RLF: variants seen among roughly 807,000 people sequenced by gnomAD.
RLF encodes RLF zinc finger.
A neutral mutation model predicts 162.9 loss-of-function variants in RLF; 7 were observed. The ratio of observed to expected loss-of-function variants is 0.04; its 90% CI spans 0.02 to 0.08. RLF has a LOEUF of 0.08. RLF is among the 10% of genes least tolerant of loss of function. The pLI is 1.00. For missense variants in RLF, 1,664 were observed against 2,244.7 expected, an observed-to-expected ratio of 0.74 and a Z score of 5.23; for synonymous variants, 782 against 791.5, an observed-to-expected ratio of 0.99 and a Z score of 0.20.
chr1:40,177,483 C>T (rs1337800128), intron 1 of RLF, among the ~76,000 whole-genome samples: 6 of 151,420 alleles, frequency 4.0e-5, no homozygotes, highest in Admixed American at 4.0e-4. Context: ...TTAGTAGAGA[C>T]GGGGTTTCAT....
chr1:40,197,229 G>GA (rs901890125), intron 4 of RLF, among the ~76,000 whole-genome samples: 6 of 150,656 alleles, frequency 4.0e-5, no homozygotes, highest in Admixed American at 1.3e-4. Context: ...GCACTGACAA[G>GA]AAAAAAAAAG....
intron 6 of RLF, among the ~76,000 whole-genome samples, chr1:40,226,576 T>C (rs1167788086): frequency 6.6e-6 from 1 of 152,238 alleles, no homozygotes; most frequent in Non-Finnish European, 1.5e-5. Context: ...TTCACGGTTG[T>C]GTCCTAAGTA....
intron 5 of RLF, among the ~76,000 whole-genome samples, chr1:40,213,474 G>A (rs1050749167): frequency 6.6e-6 from 1 of 152,136 alleles, no homozygotes; most frequent in African/African-American, 2.4e-5. Flanking sequence ...TCATAGTACT[G>A]GTCTGTAGCA....
chr1:40,194,924 C>T (rs916882123), intron 3 of RLF, among the ~76,000 whole-genome samples: 2 of 151,840 alleles, frequency 1.3e-5, no homozygotes, highest in African/African-American at 2.4e-5. Flanking sequence ...ACCTCTGCCT[C>T]CCAGGCTCAA....
intron 5 of RLF, among the ~76,000 whole-genome samples, chr1:40,205,485 C>CCTTTT (rs990825771): frequency 3.7e-5 from 4 of 107,054 alleles, no homozygotes; most frequent in African/African-American, 1.1e-4. Context: ...TTCCTTCCTT[C>CCTTTT]TTTTTTTTTT....
chr1:40,169,520 G>A (rs1199989680), intron 1 of RLF, among the ~76,000 whole-genome samples: 1 of 149,546 alleles, frequency 6.7e-6, no homozygotes. Flanking sequence ...GGAGGCTGAG[G>A]CAGGAGAATG....
At chr1:40,204,872 C>T (rs1404438914) in intron 5 of RLF, among the ~76,000 whole-genome samples, 2 of 152,172 alleles carry the variant, frequency 1.3e-5, no homozygotes, top group Non-Finnish European at 2.9e-5. Flanking sequence ...AAAATTGAAG[C>T]GCTGAGAAGA....
intron 5 of RLF, among the ~76,000 whole-genome samples, chr1:40,204,454 G>A (rs1642762141): frequency 6.6e-6 from 1 of 152,138 alleles, no homozygotes; most frequent in East Asian, 1.9e-4. Flanking sequence ...TTTACTCCAG[G>A]CTAGAGTGTG....
At chr1:40,201,625 C>CA (rs35897680) in intron 4 of RLF, among the ~76,000 whole-genome samples, 11,031 of 91,364 alleles carry the variant, frequency 0.12, 529 homozygotes, top group Non-Finnish European at 0.15. Context: ...GACTTCATCT[C>CA]AAAAAAAAAA....
chr1:40,236,401 G>A lies in RLF; in HGVS notation c.1699G>A (p.Ala567Thr). The change falls in exon 8 of 8, where the codon GCT becomes ACT. Residue 567 changes from alanine (A) to threonine (T), a missense_variant. Coordinates refer to ENST00000372771, the MANE Select transcript of RLF (RefSeq NM_012421.4). This position sits in a 1 kb window ranked among gnomAD's most constrained non-coding sequence, Gnocchi z 7.7. The stretch of plus-strand genomic sequence containing the variant: ...GTTATGTAAGCGGGAATGTATAGAG[G>A]CTAGAATTCTTCATCATTCTAAGAT... ...CLLCKRECIE[A>T]RILHHSKMHM... is the part of the protein sequence containing the mutation. 1 of 1,613,430 alleles carries A rather than the reference G, an allele frequency of 6.2e-7. No individual in the cohort carries two copies. Among genetic ancestry groups the A allele is most frequent in the Non-Finnish European group, 8.5e-7 (1 of 1,179,526 alleles).
chr1:40,198,869 G>A (rs1265956865), intron 4 of RLF, among the ~76,000 whole-genome samples: 1 of 152,162 alleles, frequency 6.6e-6, no homozygotes, highest in Non-Finnish European at 1.5e-5. Context: ...AAATATTGAA[G>A]CATATGGTAG....
At chr1:40,226,810 T>C (rs1157478073) in intron 6 of RLF, among the ~76,000 whole-genome samples, 1 of 152,226 alleles carries the variant, frequency 6.6e-6, no homozygotes, top group Non-Finnish European at 1.5e-5. Flanking sequence ...CTTCATGGGC[T>C]TCTTGCTATG....
rs758940801 is a variant in RLF at position 40,240,244 on chromosome 1, G to C, written c.5542G>C (p.Val1848Leu). The change falls in exon 8 of 8, where the codon GTA (valine) becomes CTA (leucine). Residue 1848 changes from valine to leucine, a missense_variant. By Grantham distance (32) the Val-to-Leu change is conservative. This residue lies in a region of RLF where 327 missense variants were observed against 342.7 expected (regional missense o/e 0.95). Transcript: ENST00000372771. ...ENLTAIPPLI[V>L]AETTTVPSLE... is the part of the protein sequence containing the mutation. The stretch of plus-strand genomic sequence containing the variant: ...CCTGACTGCAATCCCACCTTTAATA[G>C]TAGCTGAAACAACAACAGTTCCTTC... 3.7e-6 allele frequency: 6 copies of C among 1,614,050 alleles called. No individual in the cohort carries two copies. The highest frequency in any genetic ancestry group is 5.1e-6 in the Non-Finnish European group (6 of 1,180,036).
Position 40,239,566 on chromosome 1 carries a change from C to T in RLF, c.4864C>T (p.Arg1622Cys), listed in dbSNP as rs61738846. 9.1e-3 allele frequency: 14,702 copies of T among 1,614,072 alleles called. 1,196 individuals are homozygous for T. The African/African-American group carries it at 0.18, about 19-fold the overall frequency. ...KEENRSCESERTEHSHSPGDS... is the reference protein window; with the variant it reads ...KEENRSCESECTEHSHSPGDS... ...AGAAAATAGAAGCTGTGAATCAGAGCGCACAGAACACAGCCATTCCCCGGG... is the reference window on the plus strand; with the variant it reads ...AGAAAATAGAAGCTGTGAATCAGAGTGCACAGAACACAGCCATTCCCCGGG... The change falls in exon 8 of 8, where the codon CGC (arginine) becomes TGC (cysteine). Residue 1622 changes from arginine to cysteine, a missense_variant. Around this residue, in one of 15 missense-constraint regions of RLF, gnomAD observed 327 missense variants for 342.7 expected, o/e 0.95. Transcript: ENST00000372771.
chr1:40,212,889 A>AG (rs1486661401), intron 5 of RLF, among the ~76,000 whole-genome samples: 1 of 152,194 alleles, frequency 6.6e-6, no homozygotes, highest in Non-Finnish European at 1.5e-5. Context: ...ACAGGAGTAT[A>AG]GAAATTCCAG....
chr1:40,232,726 G>A (rs1643168032), intron 7 of RLF, among the ~76,000 whole-genome samples: 1 of 152,148 alleles, frequency 6.6e-6, no homozygotes, highest in Non-Finnish European at 1.5e-5. Context: ...TTTTGGTTGA[G>A]ACAGGTCTCG....
chr1:40,230,094 A>AC (rs1643133892), intron 6 of RLF, among the ~76,000 whole-genome samples: 2 of 151,950 alleles, frequency 1.3e-5, no homozygotes, highest in African/African-American at 2.4e-5. Flanking sequence ...AGCCTGGGCA[A>AC]CAAGAGCAAA....
At chr1:40,229,771 A>G (rs1244099415) in intron 6 of RLF, among the ~76,000 whole-genome samples, 1 of 151,946 alleles carries the variant, frequency 6.6e-6, no homozygotes, top group African/African-American at 2.4e-5. Flanking sequence ...ATCTTTTGAG[A>G]CACCATATAT....
intron 6 of RLF, among the ~76,000 whole-genome samples, chr1:40,228,735 C>A (rs546134202): frequency 3.3e-5 from 5 of 152,154 alleles, no homozygotes; most frequent in African/African-American, 7.2e-5. Flanking sequence ...GATCTCCCAC[C>A]TCAGCCTTCC....
Sources: allele counts gnomAD v4.1 joint callset (sites outside exome capture counted in the v4.1 genomes callset), GRCh38; gene constraint gnomAD v4.1.1; regional missense constraint gnomAD v4.1.1; non-coding constraint Gnocchi (gnomAD v3.1); transcripts MANE v1.5; gene names NCBI Gene and HGNC (gene_info 2026-07-23, HGNC 2026-07-21).